The following PEPD variants were observed in gnomAD, a reference collection of about 807,000 sequenced individuals.
PEPD encodes the protein xaa-Pro dipeptidase.
Under a neutral mutation model 60.7 loss-of-function variants are expected in PEPD, and 53 were observed. That is an observed-to-expected ratio of 0.87 (90% CI 0.70 to 1.10). The LOEUF is 1.10. Ranked by LOEUF, PEPD falls within the 50% of genes least tolerant of loss-of-function variation. The pLI is 0.00. For synonymous variants in PEPD, 267 were observed against 284.1 expected (o/e 0.94, Z 0.60); for missense variants, 711 against 711.9 (o/e 1.00, Z 0.01).
intron 12 of PEPD, among the ~76,000 whole-genome samples, chr19:33,396,950 C>T (rs945212224): frequency 3.3e-5 from 5 of 152,160 alleles, no homozygotes; most frequent in African/African-American, 1.2e-4. Flanking sequence ...CTCGCCCATC[C>T]GTCCCAGCAG....
At chr19:33,418,024 C>T (rs1968927147) in intron 9 of PEPD, among the ~76,000 whole-genome samples, 1 of 152,160 alleles carries the variant, frequency 6.6e-6, no homozygotes, top group South Asian at 2.1e-4. Flanking sequence ...GGGCCTGTGC[C>T]CACCATCCCT....
At chr19:33,454,243 A>T (rs1005128008) in intron 9 of PEPD, among the ~76,000 whole-genome samples, 4 of 152,214 alleles carry the variant, frequency 2.6e-5, no homozygotes, top group Non-Finnish European at 5.9e-5. Flanking sequence ...AGCTGGAAGG[A>T]TTTGAGCATC....
At chr19:33,436,589 G>A (rs1226799849) in intron 9 of PEPD, among the ~76,000 whole-genome samples, 1 of 152,238 alleles carries the variant, frequency 6.6e-6, no homozygotes, top group Non-Finnish European at 1.5e-5. Flanking sequence ...GGTCCTGCCA[G>A]GAAGGTCCTC....
intron 5 of PEPD, among the ~76,000 whole-genome samples, chr19:33,492,984 C>T (rs1450427212): frequency 6.6e-6 from 1 of 152,228 alleles, no homozygotes; most frequent in Non-Finnish European, 1.5e-5. Context: ...TCAAGCACGC[C>T]TCCCACCTCA....
chr19:33,501,285 C>T (rs559162861), intron 3 of PEPD, among the ~76,000 whole-genome samples: 1 of 152,342 alleles, frequency 6.6e-6, no homozygotes, highest in African/African-American at 2.4e-5. Flanking sequence ...GACAAAACCC[C>T]TATCATCCCC....
chr19:33,457,951 GCC>G (rs772588127), intron 9 of PEPD, among the ~76,000 whole-genome samples: 28 of 152,312 alleles, frequency 1.8e-4, no homozygotes, highest in Non-Finnish European at 1.6e-4. Flanking sequence ...CTCCAACCCC[GCC>G]CCCAGCACCC....
intron 9 of PEPD, among the ~76,000 whole-genome samples, chr19:33,439,185 G>A (rs1474812872): frequency 2.6e-5 from 4 of 152,238 alleles, no homozygotes; most frequent in South Asian, 4.1e-4. Context: ...GGAAAAGTGC[G>A]ACGTGGACAG....
intron 3 of PEPD, among the ~76,000 whole-genome samples, chr19:33,503,570 T>C (rs1970749648): frequency 6.6e-6 from 1 of 152,114 alleles, no homozygotes; most frequent in South Asian, 2.1e-4. Context: ...CTACAGACCC[T>C]TTGCTACTGA....
chr19:33,448,352 C>A (rs1421580323), intron 9 of PEPD, among the ~76,000 whole-genome samples: 1 of 152,080 alleles, frequency 6.6e-6, no homozygotes. Flanking sequence ...CAGCCACCTC[C>A]GAGGTGGGCG....
At chr19:33,396,328 ACCACGGGG>A (rs1451788920) in intron 12 of PEPD, among the ~76,000 whole-genome samples, 3 of 152,112 alleles carry the variant, frequency 2.0e-5, no homozygotes, top group Middle Eastern at 3.4e-3. Flanking sequence ...GTGCCCCCTG[ACCACGGGG>A]CCACAGGAGA....
intron 13 of PEPD, 97 bp from the exon 14 acceptor site, chr19:33,388,178 G>A (rs1180766830): frequency 7.6e-6 from 8 of 1,050,096 alleles, no homozygotes; most frequent in Non-Finnish European, 1.1e-5. Flanking sequence ...TGCCAGTCTC[G>A]TGGGCTCTCT....
intron 12 of PEPD, 27 bp from the exon 13 acceptor site, chr19:33,391,506 G>C: frequency 6.5e-7 from 1 of 1,543,908 alleles, no homozygotes; most frequent in East Asian, 2.4e-5. Context: ...GCTGCCGTGA[G>C]CCACAGAGCC....
In PEPD at chr19:33,497,475, T is replaced by C. The variant is rs78958855; in HGVS notation, c.393+3463A>G. Among the ~76,000 whole-genome samples, 1,065 of 152,322 alleles carry C rather than the reference T, an allele frequency of 7.0e-3. 4 individuals are homozygous for C. Among genetic ancestry groups the C allele is most frequent in the Non-Finnish European group, 0.011 (744 of 68,026 alleles). ...CTTCTCAGGGGAACTGCCTTCTCAA[T>C]AAACTCAGGATCCTCTGTGGGGAGG... On this transcript the variant is annotated intron_variant, in intron 4 of 14. Coordinates refer to ENST00000244137, the MANE Select transcript of PEPD (RefSeq NM_000285.4).
At chr19:33,430,250 T>C (rs188853610) in intron 9 of PEPD, among the ~76,000 whole-genome samples, 59 of 152,324 alleles carry the variant, frequency 3.9e-4, no homozygotes, top group African/African-American at 1.3e-3. Flanking sequence ...TAGATGGCAC[T>C]GGGCTTTGGG....
intron 9 of PEPD, among the ~76,000 whole-genome samples, chr19:33,454,609 GA>G (rs1301936362): frequency 1.9e-5 from 2 of 103,898 alleles, no homozygotes; most frequent in Non-Finnish European, 2.1e-5. Context: ...CTCCAAAAAA[GA>G]AAAAAAAAAG....
At chr19:33,469,699 G>A (rs1249160288) in intron 7 of PEPD, among the ~76,000 whole-genome samples, 1 of 152,022 alleles carries the variant, frequency 6.6e-6, no homozygotes, top group African/African-American at 2.4e-5. Context: ...CTCTACAAGT[G>A]AAGAATCCTC....
At chr19:33,477,493 C>T (rs985884626) in intron 7 of PEPD, among the ~76,000 whole-genome samples, 2 of 152,214 alleles carry the variant, frequency 1.3e-5, no homozygotes, top group East Asian at 3.9e-4. Flanking sequence ...AGGAAGAAAA[C>T]TGGTGGCACA....
intron 2 of PEPD, among the ~76,000 whole-genome samples, chr19:33,511,783 CAGAGA>C (rs961842280): frequency 6.6e-6 from 1 of 152,174 alleles, no homozygotes; most frequent in Non-Finnish European, 1.5e-5. Flanking sequence ...CAAGACTAGC[CAGAGA>C]AAACTTATTT....
chr19:33,446,234 T>C (rs1600122044), intron 9 of PEPD, among the ~76,000 whole-genome samples: 1 of 152,196 alleles, frequency 6.6e-6, no homozygotes, highest in South Asian at 2.1e-4. Context: ...CAGACACTTT[T>C]TTCTTCTGGG....
Sources: allele counts gnomAD v4.1 joint callset (sites outside exome capture counted in the v4.1 genomes callset), GRCh38; gene constraint gnomAD v4.1.1; transcripts MANE v1.5; gene names NCBI Gene and HGNC (gene_info 2026-07-23, HGNC 2026-07-21).